Variants in RIPOR2 observed in about 807,000 individuals in gnomAD.
The protein encoded by RIPOR2 is RHO family interacting cell polarization regulator 2.
RIPOR2 carries 39 observed loss-of-function variants against 114.5 expected under a neutral mutation model. The observed-to-expected ratio is 0.34, with a 90% CI of 0.26 to 0.44. RIPOR2 has a LOEUF of 0.44. Ranked by LOEUF, RIPOR2 falls within the 20% of genes least tolerant of loss-of-function variation. The pLI is 1.00. For missense variants in RIPOR2, 1,007 were observed against 1,255.1 expected (o/e 0.80, Z 2.99); for synonymous variants, 445 against 484.4 (o/e 0.92, Z 1.07).
intron 2 of RIPOR2, among the ~76,000 whole-genome samples, chr6:24,875,111 G>A (rs16889761): frequency 0.091 from 13,779 of 152,162 alleles, 750 homozygotes; most frequent in African/African-American, 0.16. Flanking sequence ...TGCACAAATG[G>A]GACAATACAG....
At chr6:24,945,325 T>C (rs193263861) in intron 1 of RIPOR2, among the ~76,000 whole-genome samples, 41 of 152,178 alleles carry the variant, frequency 2.7e-4, no homozygotes, top group African/African-American at 9.9e-4. Context: ...GCTGAGGAAG[T>C]GTATTACTAG....
intron 8 of RIPOR2, among the ~76,000 whole-genome samples, chr6:24,853,229 A>AC (rs1348819306): frequency 6.6e-6 from 1 of 152,068 alleles, no homozygotes; most frequent in Admixed American, 6.5e-5. Context: ...CAAATGATAC[A>AC]CCCCCAAAAG....
At chr6:24,834,253 T>C (rs188306886) in intron 15 of RIPOR2, among the ~76,000 whole-genome samples, 3 of 152,316 alleles carry the variant, frequency 2.0e-5, no homozygotes, top group African/African-American at 7.2e-5. Flanking sequence ...CACAGTTGTC[T>C]GAGGCTTCTC....
At chr6:24,937,203 ATTG>A (rs987714399), upstream of RIPOR2, among the ~76,000 whole-genome samples, 24 of 152,302 alleles carry the variant, frequency 1.6e-4, no homozygotes, top group South Asian at 8.3e-4. Context: ...GGGATCACCA[ATTG>A]TTGTCAATCA....
At chr6:24,949,046 C>G (rs1381894970) in intron 1 of RIPOR2, among the ~76,000 whole-genome samples, 3 of 151,222 alleles carry the variant, frequency 2.0e-5, no homozygotes, top group African/African-American at 7.3e-5. Context: ...ATCCATGTCA[C>G]TCTCTCCTCC....
At chr6:24,946,965 G>T (rs2114190967) in intron 1 of RIPOR2, among the ~76,000 whole-genome samples, 1 of 152,280 alleles carries the variant, frequency 6.6e-6, no homozygotes, top group South Asian at 2.1e-4. Flanking sequence ...TGACTATACA[G>T]AGACAGAAAA....
chr6:24,923,093 A>G (rs1165369238), intron 1 of RIPOR2, among the ~76,000 whole-genome samples: 1 of 152,004 alleles, frequency 6.6e-6, no homozygotes, highest in Non-Finnish European at 1.5e-5. Flanking sequence ...TATAAATTTG[A>G]TTACTCTTGG....
At chr6:24,962,435 G>C (rs1272580925) in intron 1 of RIPOR2, among the ~76,000 whole-genome samples, 1 of 152,212 alleles carries the variant, frequency 6.6e-6, no homozygotes, top group Non-Finnish European at 1.5e-5. Flanking sequence ...AATAAAGCTT[G>C]CATCTAGAGC....
intron 1 of RIPOR2, among the ~76,000 whole-genome samples, chr6:24,925,061 T>C (rs1334858719): frequency 2.0e-5 from 3 of 152,254 alleles, no homozygotes; most frequent in Non-Finnish European, 4.4e-5. Context: ...AGGTTAGTGA[T>C]CCCTATCACC....
intron 1 of RIPOR2, among the ~76,000 whole-genome samples, chr6:25,006,720 T>A (rs1352154786): frequency 6.6e-6 from 1 of 152,192 alleles, no homozygotes; most frequent in African/African-American, 2.4e-5. Context: ...CCACGAGAGT[T>A]CTGAGAATTC....
At chr6:24,979,698 A>C (rs1774216186) in intron 1 of RIPOR2, among the ~76,000 whole-genome samples, 1 of 152,180 alleles carries the variant, frequency 6.6e-6, no homozygotes, top group African/African-American at 2.4e-5. Context: ...CTTCCATATG[A>C]TGAGTTTCAA....
rs1763739157 is a variant in RIPOR2, at chr6:24,858,711, G to C, written c.715+2262C>G. Among the ~76,000 whole-genome samples, 1 of 152,150 alleles carries C rather than the reference G, an allele frequency of 6.6e-6. No homozygotes were observed. Among genetic ancestry groups the C allele is most frequent in the Non-Finnish European group, 1.5e-5 (1 of 68,026 alleles). The stretch of plus-strand genomic sequence containing the variant: ...CCCATGGAAGAAACCAAGCGTTCAG[G>C]TGGACTCTCAGGAACATCAGGCAGG... On this transcript the variant is annotated intron_variant, in intron 8 of 21. Coordinates refer to ENST00000643898, the MANE Select transcript of RIPOR2 (RefSeq NM_001286445.3). The surrounding 1 kb of genome is among the most constrained non-coding windows in gnomAD (Gnocchi z 4.0).
At chr6:24,906,143 C>A (rs1481566362) in intron 1 of RIPOR2, among the ~76,000 whole-genome samples, 1 of 152,160 alleles carries the variant, frequency 6.6e-6, no homozygotes, top group Non-Finnish European at 1.5e-5. Context: ...TCTTATCTGA[C>A]CTTCCTTGCA....
At chr6:24,901,095 T>C (rs1166516895) in intron 1 of RIPOR2, among the ~76,000 whole-genome samples, 1 of 152,114 alleles carries the variant, frequency 6.6e-6, no homozygotes, top group East Asian at 1.9e-4. Context: ...AGGGAGATGA[T>C]AGAGGGAAGG....
At chr6:24,922,626 G>A (rs1188242977) in intron 1 of RIPOR2, among the ~76,000 whole-genome samples, 9 of 151,902 alleles carry the variant, frequency 5.9e-5, no homozygotes, top group South Asian at 2.1e-4. Flanking sequence ...TTGGGAGGCC[G>A]AGGCAGATGG....
At chr6:24,863,940 G>T (rs1461587714) in intron 7 of RIPOR2, among the ~76,000 whole-genome samples, 1 of 151,910 alleles carries the variant, frequency 6.6e-6, no homozygotes, top group African/African-American at 2.4e-5. Context: ...TGATGATTTT[G>T]AAATAACTGT....
intron 1 of RIPOR2, among the ~76,000 whole-genome samples, chr6:25,030,206 T>C (rs1776855186): frequency 6.6e-6 from 1 of 152,066 alleles, no homozygotes; most frequent in Non-Finnish European, 1.5e-5. Context: ...TCATATACAA[T>C]GTCAAAGAAA....
chr6:24,897,671 A>G (rs1285929006), intron 1 of RIPOR2, among the ~76,000 whole-genome samples: 1 of 152,210 alleles, frequency 6.6e-6, no homozygotes, highest in Non-Finnish European at 1.5e-5. Flanking sequence ...GTTGGCTCCG[A>G]GGCAATTTCA....
At position 24,822,273 on chromosome 6, in the gene RIPOR2, G is replaced by C. The variant is rs560026961; in HGVS notation, c.2868+2953C>G. 2.0e-5 allele frequency among the ~76,000 whole-genome samples: 3 copies of C among 152,322 alleles called. No homozygotes were observed. The South Asian group carries it at 6.2e-4, about 32-fold the overall frequency. On this transcript the variant is annotated intron_variant, in intron 19 of 21. Transcript: ENST00000643898. ...GTCATAATTCATTTAGTTTGATTAT[G>C]TTGGTGGAAATATTTGTCTCCCTCA...
Sources: allele counts gnomAD v4.1 joint callset (sites outside exome capture counted in the v4.1 genomes callset), GRCh38; gene constraint gnomAD v4.1.1; non-coding constraint Gnocchi (gnomAD v3.1); transcripts MANE v1.5; gene names NCBI Gene and HGNC (gene_info 2026-07-23, HGNC 2026-07-21).